EXT1: variants seen among roughly 807,000 people sequenced by gnomAD.
EXT1 encodes exostosin-1.
Under a neutral mutation model 82.5 loss-of-function variants are expected in EXT1, and 20 were observed. The ratio of observed to expected loss-of-function variants is 0.24; its 90% CI spans 0.17 to 0.35. The LOEUF is 0.35. Ranked by LOEUF, EXT1 falls within the 10% of genes least tolerant of loss-of-function variation. The probability of loss-of-function intolerance (pLI) is 1.00; values close to 1 mark genes in which losing one functional copy is unlikely to be tolerated. For synonymous variants in EXT1, 348 were observed against 350.8 expected, an observed-to-expected ratio of 0.99 and a Z score of 0.09; for missense variants, 757 against 936.5, an observed-to-expected ratio of 0.81 and a Z score of 2.50.
chr8:117,985,463 G>A (rs1348771461), intron 1 of EXT1, among the ~76,000 whole-genome samples: 4 of 152,160 alleles, frequency 2.6e-5, no homozygotes, highest in Non-Finnish European at 5.9e-5. Context: ...TGGGATCTCT[G>A]GAATGGGACC....
chr8:118,002,564 C>T (rs1314784072), intron 1 of EXT1, among the ~76,000 whole-genome samples: 2 of 119,734 alleles, frequency 1.7e-5, no homozygotes, highest in Admixed American at 1.1e-4. Context: ...CAGAGTCTTG[C>T]TCTGTCACCC....
At position 117,799,360 on chromosome 8, in the gene EXT1, C is replaced by G. The variant is rs1823129666; in HGVS notation, c.*352G>C. ...AGCTTTGAAATATTCACAACCAACACAATTTTGATTAAACAAAGAACTCTG... is the reference window on the plus strand; with the variant it reads ...AGCTTTGAAATATTCACAACCAACAGAATTTTGATTAAACAAAGAACTCTG... On this transcript the variant is annotated 3_prime_UTR_variant, in exon 11 of 11. Coordinates refer to ENST00000378204, the MANE Select transcript of EXT1 (RefSeq NM_000127.3). 3.3e-6 allele frequency: 1 copy of G among 300,386 alleles called. No individual in the cohort carries two copies. The highest frequency in any genetic ancestry group is 2.1e-5 in the African/African-American group (1 of 46,710). The allele number at this position is 300,386 out of a possible 1,614,324, so 18.6% of individuals were successfully genotyped here.
chr8:117,981,361 G>A (rs1047125906), intron 1 of EXT1, among the ~76,000 whole-genome samples: 1 of 152,152 alleles, frequency 6.6e-6, no homozygotes, highest in Non-Finnish European at 1.5e-5. Flanking sequence ...CATGAGTAAG[G>A]TTGTTCCAAG....
At chr8:117,977,963 G>A (rs1207178359) in intron 1 of EXT1, among the ~76,000 whole-genome samples, 1 of 152,242 alleles carries the variant, frequency 6.6e-6, no homozygotes, top group Non-Finnish European at 1.5e-5. Flanking sequence ...CAGTGCTAAT[G>A]CAGGTTTCAT....
chr8:117,809,245 T>TATATATATATATATATATATATATATATA (rs1563874289), intron 8 of EXT1, among the ~76,000 whole-genome samples: 1 of 66,050 alleles, frequency 1.5e-5, no homozygotes, highest in Non-Finnish European at 3.8e-5. Flanking sequence ...ATATATATAT[T>TATATATATATATATATATATATATATATA]ATGTTCTATT....
chr8:117,864,950 GT>G (rs879886077), intron 1 of EXT1, among the ~76,000 whole-genome samples: 4 of 151,132 alleles, frequency 2.6e-5, no homozygotes, highest in Admixed American at 1.3e-4. Flanking sequence ...AGTAGAAGCT[GT>G]TTTTTTTTAA....
At chr8:118,041,455 T>C (rs554379573) in intron 1 of EXT1, among the ~76,000 whole-genome samples, 10 of 151,944 alleles carry the variant, frequency 6.6e-5, no homozygotes, top group African/African-American at 2.4e-4. Context: ...CCCAAAACAA[T>C]AGGAGTAGGG....
At chr8:117,976,916 T>C (rs1362814217) in intron 1 of EXT1, among the ~76,000 whole-genome samples, 1 of 151,978 alleles carries the variant, frequency 6.6e-6, no homozygotes, top group African/African-American at 2.4e-5. Flanking sequence ...TGTCAGGGCG[T>C]TGGTATCCCA....
intron 1 of EXT1, among the ~76,000 whole-genome samples, chr8:118,000,571 G>T (rs1267787140): frequency 6.6e-6 from 1 of 152,156 alleles, no homozygotes; most frequent in African/African-American, 2.4e-5. Flanking sequence ...ACTTCTTATT[G>T]GTCAATAACA....
chr8:117,815,800 C>A (rs960194809), intron 7 of EXT1, among the ~76,000 whole-genome samples: 6 of 152,068 alleles, frequency 3.9e-5, no homozygotes, highest in African/African-American at 1.4e-4. Context: ...CTTGGTGGCG[C>A]ATGCCTGTAG....
chr8:117,895,759 C>A (rs1400085802), intron 1 of EXT1, among the ~76,000 whole-genome samples: 1 of 152,206 alleles, frequency 6.6e-6, no homozygotes, highest in East Asian at 1.9e-4. Context: ...TCCTTTCCTG[C>A]TGACCCACTT....
chr8:117,878,411 A>G (rs925359134), intron 1 of EXT1, among the ~76,000 whole-genome samples: 7 of 152,244 alleles, frequency 4.6e-5, no homozygotes, highest in African/African-American at 1.7e-4. Flanking sequence ...TTGAAAATAA[A>G]TGACATAGCA....
At chr8:118,052,365 A>G (rs1409639710) in intron 1 of EXT1, among the ~76,000 whole-genome samples, 1 of 152,246 alleles carries the variant, frequency 6.6e-6, no homozygotes, top group Non-Finnish European at 1.5e-5. Context: ...AAATATGGAT[A>G]AACATTTTGT....
rs1335166288 is a variant in EXT1, at chr8:118,049,145, T to TTA, written c.962+60938_962+60939dup. 4.6e-5 allele frequency among the ~76,000 whole-genome samples: 7 copies of TTA among 152,200 alleles called. No homozygotes were observed. The South Asian group carries it at 1.2e-3, about 27-fold the overall frequency. On this transcript the variant is annotated intron_variant, in intron 1 of 10. Coordinates refer to ENST00000378204, the MANE Select transcript of EXT1 (RefSeq NM_000127.3). The stretch of plus-strand genomic sequence containing the variant: ...AAACAGGTAGAAGTTAATTTTTTCT[T>TTA]TATATATATTTCAATGGCTACAAAA...
At chr8:117,820,697 A>AG (rs1811908926) in intron 5 of EXT1, among the ~76,000 whole-genome samples, 1 of 151,516 alleles carries the variant, frequency 6.6e-6, no homozygotes. Flanking sequence ...ACTCCGTCTT[A>AG]GAAAAAAAAA....
At position 117,871,258 on chromosome 8, in the gene EXT1, C is replaced by A. The variant is rs891556301; in HGVS notation, c.963-34057G>T. Among the ~76,000 whole-genome samples the A allele has an allele frequency of 3.9e-5, 6 of 152,168 alleles. No individual in the cohort carries two copies. In the South Asian group the frequency reaches 8.3e-4, roughly 21 times the overall value. ...GTACAATTATTTTGAGAGCATGGAA[C>A]CTTCTGAGCATGTTCCTATAACTTC... On this transcript the variant is annotated intron_variant, in intron 1 of 10. Coordinates refer to ENST00000378204, the MANE Select transcript of EXT1 (RefSeq NM_000127.3).
At chr8:117,950,532 T>A (rs543372058) in intron 1 of EXT1, among the ~76,000 whole-genome samples, 1 of 152,306 alleles carries the variant, frequency 6.6e-6, no homozygotes, top group Admixed American at 6.5e-5. Flanking sequence ...AATGAACCTT[T>A]ACTTGGTCAA....
chr8:117,832,249 G>A (rs1388543777), intron 3 of EXT1, among the ~76,000 whole-genome samples: 5 of 152,120 alleles, frequency 3.3e-5, no homozygotes, highest in East Asian at 1.9e-4. Context: ...GCCTAAGGCC[G>A]GGCGCGGTGG....
chr8:117,962,414 C>T (rs1448818885), intron 1 of EXT1, among the ~76,000 whole-genome samples: 1 of 151,258 alleles, frequency 6.6e-6, no homozygotes, highest in Admixed American at 6.6e-5. Flanking sequence ...GGTTTGAGAC[C>T]AGCCTGGGCA....
Sources: gnomAD v4.1 joint callset for allele counts (sites outside exome capture counted in the v4.1 genomes callset) on GRCh38, gnomAD v4.1.1 for gene constraint, MANE v1.5 for transcripts, NCBI Gene and HGNC (gene_info 2026-07-23, HGNC 2026-07-21) for gene names.